The following COL26A1 variants were observed in gnomAD, a reference collection of about 807,000 sequenced individuals.
COL26A1 encodes collagen type XXVI alpha 1 chain.
Under a neutral mutation model 59.3 loss-of-function variants are expected in COL26A1, and 41 were observed. The observed-to-expected ratio is 0.69, with a 90% CI of 0.54 to 0.90. COL26A1 has a LOEUF of 0.90. Ranked by LOEUF, COL26A1 falls within the 40% of genes least tolerant of loss-of-function variation. The pLI, the probability that COL26A1 is intolerant of heterozygous loss-of-function variation, is 0.00. For synonymous variants in COL26A1, 266 were observed against 256.0 expected (o/e 1.04, Z -0.37); for missense variants, 612 against 602.3 (o/e 1.02, Z -0.17).
chr7:101,458,651 C>CAAA (rs34462051), intron 3 of COL26A1, among the ~76,000 whole-genome samples: 10 of 148,096 alleles, frequency 6.8e-5, no homozygotes, highest in Non-Finnish European at 9.0e-5. Context: ...ACTCTGTCTC[C>CAAA]AAAAAAAAAA....
chr7:101,461,988 A>C (rs1025673196), intron 3 of COL26A1, among the ~76,000 whole-genome samples: 20 of 142,786 alleles, frequency 1.4e-4, no homozygotes, highest in Middle Eastern at 3.6e-3. Flanking sequence ...CTGTCTATCC[A>C]CGGAGCACTT....
rs199815666 is a variant in COL26A1 at position 101,420,111 on chromosome 7, T to C, written c.281+12T>C. On this transcript the variant is annotated intron_variant, in intron 2 of 12. Coordinates refer to ENST00000313669, the MANE Select transcript of COL26A1 (RefSeq NM_001278563.3). ...GCCAACCTCGTAAGGTAAAGGCCGC[T>C]GGGCTAGGCTGCTCTGCCCTTCCCT... 1.1e-5 allele frequency: 17 copies of C among 1,611,648 alleles called. No individual in the cohort carries two copies. The South Asian group carries it at 1.9e-4, about 18-fold the overall frequency.
chr7:101,500,784 G>A (rs1404904343), intron 3 of COL26A1, among the ~76,000 whole-genome samples: 2 of 152,050 alleles, frequency 1.3e-5, no homozygotes, highest in Admixed American at 6.6e-5. Context: ...TCGCGCCATT[G>A]CACCCCAGCC....
At chr7:101,479,473 T>G (rs185625134) in intron 3 of COL26A1, among the ~76,000 whole-genome samples, 30 of 152,340 alleles carry the variant, frequency 2.0e-4, no homozygotes, top group African/African-American at 6.5e-4. Context: ...CCTCTATTGT[T>G]GCTGTTGAAA....
At chr7:101,528,046 G>C (rs571890217) in intron 3 of COL26A1, among the ~76,000 whole-genome samples, 1 of 152,306 alleles carries the variant, frequency 6.6e-6, no homozygotes, top group African/African-American at 2.4e-5. Flanking sequence ...TCCGGTTCTG[G>C]AGCGCCTGCC....
At chr7:101,467,763 A>G (rs1793798160) in intron 3 of COL26A1, among the ~76,000 whole-genome samples, 1 of 152,052 alleles carries the variant, frequency 6.6e-6, no homozygotes, top group Non-Finnish European at 1.5e-5. Context: ...GCTACTTGGG[A>G]GGCTGAGGCA....
intron 4 of COL26A1, among the ~76,000 whole-genome samples, chr7:101,533,683 G>C (rs1795417550): frequency 6.6e-6 from 1 of 152,248 alleles, no homozygotes; most frequent in South Asian, 2.1e-4. Flanking sequence ...GGCCAAGAAG[G>C]GTATGCCCAG....
intron 1 of COL26A1, among the ~76,000 whole-genome samples, chr7:101,381,164 T>C (rs922498420): frequency 6.6e-6 from 1 of 152,198 alleles, no homozygotes; most frequent in African/African-American, 2.4e-5. Flanking sequence ...ATCAAGGTAT[T>C]TACAGGGCTG....
chr7:101,542,261 G>A (rs112471819), intron 5 of COL26A1, among the ~76,000 whole-genome samples: 1,893 of 151,992 alleles, frequency 0.012, 22 homozygotes, highest in Middle Eastern at 0.024. Context: ...GCCAGCACAC[G>A]CAGCCTAATT....
At chr7:101,439,525 G>T (rs1792997411) in intron 2 of COL26A1, among the ~76,000 whole-genome samples, 1 of 130,286 alleles carries the variant, frequency 7.7e-6, no homozygotes, top group Admixed American at 9.7e-5. Flanking sequence ...CTGCACTCCA[G>T]CCTGGGCGAC....
At chr7:101,478,794 A>T (rs1042965424) in intron 3 of COL26A1, among the ~76,000 whole-genome samples, 1 of 152,210 alleles carries the variant, frequency 6.6e-6, no homozygotes, top group Non-Finnish European at 1.5e-5. Flanking sequence ...CTCTACTTTT[A>T]CTACATATAT....
intron 3 of COL26A1, among the ~76,000 whole-genome samples, chr7:101,518,993 G>A: frequency 6.6e-6 from 1 of 152,294 alleles, no homozygotes; most frequent in South Asian, 2.1e-4. Context: ...TCATTCTGGG[G>A]ACATCTCCCA....
At position 101,525,718 on chromosome 7, in the gene COL26A1, G is replaced by A. The variant is rs189381681; in HGVS notation, c.386-7364G>A. ...TCACTGTGTTAGCCAGGATGGTCTC[G>A]ATCTCCTGACCTCGTGATCCGCCCA... On this transcript the variant is annotated intron_variant, in intron 3 of 12. Transcript: ENST00000313669. 9.3e-4 allele frequency among the ~76,000 whole-genome samples: 141 copies of A among 152,056 alleles called. 1 individual carries two copies. Among genetic ancestry groups the A allele is most frequent in the African/African-American group, 2.8e-3 (116 of 41,466 alleles).
chr7:101,456,482 T>C (rs1206691432), intron 3 of COL26A1, among the ~76,000 whole-genome samples: 1 of 151,956 alleles, frequency 6.6e-6, no homozygotes, highest in Non-Finnish European at 1.5e-5. Flanking sequence ...CTGACCAACA[T>C]GGAGAAACCT....
intron 1 of COL26A1, among the ~76,000 whole-genome samples, chr7:101,364,048 G>A (rs1790980373): frequency 1.3e-5 from 2 of 152,116 alleles, no homozygotes; most frequent in Non-Finnish European, 2.9e-5. Flanking sequence ...GGTTGGAGAG[G>A]GCGCAGGGTC....
chr7:101,422,623 A>G (rs1792549504), intron 2 of COL26A1, among the ~76,000 whole-genome samples: 1 of 146,474 alleles, frequency 6.8e-6, no homozygotes, highest in South Asian at 2.2e-4. Flanking sequence ...CTGTTGGAGA[A>G]GTGGCTGTCC....
chr7:101,415,752 C>T (rs1408199163), intron 1 of COL26A1, among the ~76,000 whole-genome samples: 1 of 152,088 alleles, frequency 6.6e-6, no homozygotes, highest in Non-Finnish European at 1.5e-5. Context: ...GCCTCAGCCT[C>T]CCGAGTAGCT....
chr7:101,384,901 C>T (rs111419895), intron 1 of COL26A1, among the ~76,000 whole-genome samples: 17 of 152,048 alleles, frequency 1.1e-4, no homozygotes, highest in Non-Finnish European at 2.2e-4. Context: ...GTCTGAAAGC[C>T]CCTGGCAAAC....
At chr7:101,556,993 GTGGA>G (rs72354212) in intron 12 of COL26A1, among the ~76,000 whole-genome samples, 25,029 of 144,252 alleles carry the variant, frequency 0.17, 3,064 homozygotes, top group East Asian at 0.57. Flanking sequence ...GGATGGATGG[GTGGA>G]TGGATGGATG....
Sources: allele counts gnomAD v4.1 joint callset (sites outside exome capture counted in the v4.1 genomes callset), GRCh38; gene constraint gnomAD v4.1.1; transcripts MANE v1.5; gene names NCBI Gene and HGNC (gene_info 2026-07-23, HGNC 2026-07-21).